Variants in DGKB observed in about 807,000 individuals in gnomAD.
DGKB encodes diacylglycerol kinase beta.
A neutral mutation model predicts 114.3 loss-of-function variants in DGKB; 67 were observed. That is an observed-to-expected ratio of 0.59 (90% CI 0.48 to 0.72). The LOEUF is 0.72. DGKB is among the 30% of genes least tolerant of loss of function. The pLI, the probability that DGKB is intolerant of heterozygous loss-of-function variation, is 0.00. For missense variants in DGKB, 907 were observed against 975.2 expected (o/e 0.93, Z 0.93); for synonymous variants, 398 against 323.1 (o/e 1.23, Z -2.49).
At chr7:14,480,299 G>A (rs997924181) in intron 20 of DGKB, among the ~76,000 whole-genome samples, 2 of 151,984 alleles carry the variant, frequency 1.3e-5, no homozygotes, top group Non-Finnish European at 2.9e-5. Flanking sequence ...TTAGTTAAGA[G>A]GGGAAAAAAT....
intron 1 of DGKB, among the ~76,000 whole-genome samples, chr7:14,851,244 A>G (rs1378037032): frequency 6.6e-6 from 1 of 152,190 alleles, no homozygotes; most frequent in African/African-American, 2.4e-5. Flanking sequence ...TCTAAAAGAA[A>G]AAATTCAAGG....
chr7:14,902,432 A>T (rs1483998363), intron 1 of DGKB, among the ~76,000 whole-genome samples, 160 bp downstream of exon 1: 2 of 152,208 alleles, frequency 1.3e-5, no homozygotes, highest in African/African-American at 4.8e-5. Context: ...CTATAGCATA[A>T]CTAGGACAGG....
At chr7:14,852,990 T>G (rs992679651) in intron 1 of DGKB, among the ~76,000 whole-genome samples, 2 of 152,110 alleles carry the variant, frequency 1.3e-5, no homozygotes, top group Non-Finnish European at 2.9e-5. Flanking sequence ...AATTAAAAAA[T>G]TATAAATTCA....
At chr7:14,689,575 C>T (rs1399387828) in intron 9 of DGKB, among the ~76,000 whole-genome samples, 2 of 152,138 alleles carry the variant, frequency 1.3e-5, no homozygotes, top group Non-Finnish European at 2.9e-5. Context: ...AACTGTTCAT[C>T]TCCAGACCAC....
chr7:14,908,166 A>G (rs1783806251), upstream of DGKB, among the ~76,000 whole-genome samples: 1 of 152,186 alleles, frequency 6.6e-6, no homozygotes, highest in Non-Finnish European at 1.5e-5. Flanking sequence ...TCACTTTATT[A>G]TTTAGACCAA....
At chr7:14,505,661 G>T (rs1326751399) in intron 20 of DGKB, among the ~76,000 whole-genome samples, 2 of 152,092 alleles carry the variant, frequency 1.3e-5, no homozygotes, top group African/African-American at 4.8e-5. Context: ...CTTAGACTAT[G>T]ATGACACCTT....
At chr7:14,601,101 T>C (rs1803463666) in intron 17 of DGKB, among the ~76,000 whole-genome samples, 1 of 152,220 alleles carries the variant, frequency 6.6e-6, no homozygotes, top group Non-Finnish European at 1.5e-5. Flanking sequence ...TTTTGCACTC[T>C]GTGCCTGCAG....
At chr7:14,857,946 T>C (rs1391356106) in intron 1 of DGKB, among the ~76,000 whole-genome samples, 1 of 152,214 alleles carries the variant, frequency 6.6e-6, no homozygotes, top group East Asian at 1.9e-4. Flanking sequence ...AATGTGAATG[T>C]ATCTTTGGCC....
rs572982338 is a variant in DGKB, at chr7:14,645,642, T to A, written c.1135-15374A>T. Among the ~76,000 whole-genome samples the A allele has an allele frequency of 9.2e-5, 14 of 151,396 alleles. No individual in the cohort carries two copies. In the South Asian group the frequency reaches 2.7e-3, roughly 29 times the overall value. On this transcript the variant is annotated intron_variant, in intron 13 of 25. Coordinates refer to ENST00000402815, the MANE Select transcript of DGKB (RefSeq NM_001350709.2). ...GTCCCCATTAGACTAACAACACACT[T>A]CTCAGAAGAAACCATATGGTCAGAA...
chr7:14,431,135 T>C (rs933356835), intron 21 of DGKB, among the ~76,000 whole-genome samples: 1 of 152,108 alleles, frequency 6.6e-6, no homozygotes, highest in African/African-American at 2.4e-5. Context: ...GGGTTTTCTC[T>C]TTCATTGTTA....
At chr7:14,971,299 C>T (rs940453682) in intron 1 of DGKB, among the ~76,000 whole-genome samples, 8 of 152,142 alleles carry the variant, frequency 5.3e-5, no homozygotes, top group Admixed American at 4.6e-4. Flanking sequence ...CGAAGTGCCC[C>T]TGTGTTGACT....
chr7:14,365,015 T>C (rs1816419232), intron 21 of DGKB, among the ~76,000 whole-genome samples: 1 of 151,918 alleles, frequency 6.6e-6, no homozygotes, highest in African/African-American at 2.4e-5. Flanking sequence ...AAATCTCTAC[T>C]TTTCTTTTGA....
upstream of DGKB, among the ~76,000 whole-genome samples, chr7:14,905,273 T>C (rs558889261): frequency 5.3e-5 from 8 of 150,304 alleles, no homozygotes; most frequent in South Asian, 1.3e-3. Context: ...TAACAGCTTA[T>C]AGCATTACTA....
At chr7:14,507,346 G>T (rs570180362) in intron 20 of DGKB, among the ~76,000 whole-genome samples, 1 of 152,064 alleles carries the variant, frequency 6.6e-6, no homozygotes, top group Non-Finnish European at 1.5e-5. Context: ...AGGGCATATT[G>T]CCAGTTTTAA....
rs959254076 is a variant in DGKB, at chr7:14,148,709, T to G, written c.*422A>C. On this transcript the variant is annotated 3_prime_UTR_variant, in exon 26 of 26. Coordinates refer to ENST00000402815, the MANE Select transcript of DGKB (RefSeq NM_001350709.2). Reference sequence around the variant, plus strand: ...TCTAAAAGGGAAACGTATAGCAATCTGCAATTATGATCATTGTAGCGTTAC... The same window carrying G: ...TCTAAAAGGGAAACGTATAGCAATCGGCAATTATGATCATTGTAGCGTTAC... 4.6e-6 allele frequency: 1 copy of G among 216,938 alleles called. No individual in the cohort carries two copies. Among genetic ancestry groups the G allele is most frequent in the East Asian group, 1.5e-4 (1 of 6,742 alleles). The allele number at this position is 216,938 out of a possible 1,614,324, so 13.4% of individuals were successfully genotyped here.
chr7:14,715,925 T>G (rs1828108258), intron 6 of DGKB, among the ~76,000 whole-genome samples: 1 of 152,196 alleles, frequency 6.6e-6, no homozygotes, highest in Non-Finnish European at 1.5e-5. Context: ...TGTTATTCTT[T>G]AACGGAATAA....
intron 21 of DGKB, among the ~76,000 whole-genome samples, chr7:14,466,954 G>A (rs1381224285): frequency 6.6e-6 from 1 of 152,132 alleles, no homozygotes; most frequent in African/African-American, 2.4e-5. Context: ...ATGTGGAGCT[G>A]TGCTTGTCAA....
In DGKB at chr7:14,752,481, G is replaced by A. The variant is rs535982157; in HGVS notation, c.168+1447C>T. Reference sequence around the variant, plus strand: ...TCAGGCCAAGGAACATCTACTGACAGGAAACATGTACGGAGGAAATCCTAC... The same window carrying A: ...TCAGGCCAAGGAACATCTACTGACAAGAAACATGTACGGAGGAAATCCTAC... On this transcript the variant is annotated intron_variant, in intron 4 of 25. Coordinates refer to ENST00000402815, the MANE Select transcript of DGKB (RefSeq NM_001350709.2). 2.2e-3 allele frequency among the ~76,000 whole-genome samples: 330 copies of A among 152,264 alleles called. 4 individuals are homozygous for A. Among genetic ancestry groups the A allele is most frequent in the South Asian group, 3.9e-3 (19 of 4,822 alleles).
intron 17 of DGKB, among the ~76,000 whole-genome samples, chr7:14,605,780 T>C (rs1160066304): frequency 6.6e-6 from 1 of 152,128 alleles, no homozygotes; most frequent in Admixed American, 6.6e-5. Context: ...TTTTATTAAT[T>C]ATTAATTCAT....
Sources: gnomAD v4.1 joint callset for allele counts (sites outside exome capture counted in the v4.1 genomes callset) on GRCh38, gnomAD v4.1.1 for gene constraint, MANE v1.5 for transcripts, NCBI Gene and HGNC (gene_info 2026-07-23, HGNC 2026-07-21) for gene names.